GLRA3: variants seen among roughly 807,000 people sequenced by gnomAD.
GLRA3 encodes the protein glycine receptor alpha 3, also known as glycine receptor subunit alpha-3.
Under a neutral mutation model 60.4 loss-of-function variants are expected in GLRA3, and 44 were observed. That is an observed-to-expected ratio of 0.73 (90% confidence interval 0.57 to 0.94). GLRA3 has a LOEUF of 0.94. Ranked by LOEUF, GLRA3 falls within the 40% of genes least tolerant of loss-of-function variation. The pLI is 0.00. For synonymous variants in GLRA3, 223 were observed against 192.9 expected, an observed-to-expected ratio of 1.16 and a Z score of -1.29; for missense variants, 508 against 564.6, an observed-to-expected ratio of 0.90 and a Z score of 1.02.
At chr4:174,808,946 C>T (rs1211729160) in intron 1 of GLRA3, among the ~76,000 whole-genome samples, 7 of 151,954 alleles carry the variant, frequency 4.6e-5, no homozygotes, top group Middle Eastern at 3.4e-3. Flanking sequence ...TAAGAGTTAC[C>T]GTAAGAAAGA....
chr4:174,678,925 C>A (rs1170162681), intron 6 of GLRA3, among the ~76,000 whole-genome samples: 2 of 152,122 alleles, frequency 1.3e-5, no homozygotes, highest in Non-Finnish European at 2.9e-5. Context: ...CAAATACTAA[C>A]CATTCAGATA....
At chr4:174,804,270 A>G (rs1189351312) in intron 1 of GLRA3, among the ~76,000 whole-genome samples, 3 of 152,102 alleles carry the variant, frequency 2.0e-5, no homozygotes, top group Non-Finnish European at 2.9e-5. Flanking sequence ...AGTACGGAAA[A>G]TACAAGAGAC....
intron 2 of GLRA3, among the ~76,000 whole-genome samples, chr4:174,786,287 T>G (rs1420981979): frequency 1.3e-5 from 2 of 152,048 alleles, no homozygotes; most frequent in Non-Finnish European, 2.9e-5. Flanking sequence ...GGCAAGGGAT[T>G]GTATTTTTAG....
chr4:174,717,078 C>T (rs1735948610), intron 4 of GLRA3, among the ~76,000 whole-genome samples: 1 of 150,394 alleles, frequency 6.6e-6, no homozygotes, highest in African/African-American at 2.4e-5. Context: ...CCAGGTATGG[C>T]TTGTGCACCT....
At chr4:174,651,059 G>A (rs758713700) in intron 9 of GLRA3, among the ~76,000 whole-genome samples, 15 of 152,126 alleles carry the variant, frequency 9.9e-5, no homozygotes, top group Admixed American at 3.3e-4. Flanking sequence ...TTTTGTTTAC[G>A]TTGTAACAAA....
At chr4:174,791,583 G>A (rs1422477696) in intron 1 of GLRA3, among the ~76,000 whole-genome samples, 1 of 151,912 alleles carries the variant, frequency 6.6e-6, no homozygotes, top group Non-Finnish European at 1.5e-5. Flanking sequence ...TTTTTGGTGG[G>A]ACACTATCAT....
At chr4:174,741,240 G>A (rs1048386613) in intron 3 of GLRA3, among the ~76,000 whole-genome samples, 4 of 152,124 alleles carry the variant, frequency 2.6e-5, no homozygotes, top group African/African-American at 9.7e-5. Flanking sequence ...TCAGTAATTA[G>A]TAAATTCAGA....
chr4:174,643,688 A>G lies in GLRA3; in HGVS notation c.*98T>C. ...CATATGCCATTTTAATACAATGGTC[A>G]TCATTTGTATACCACACGCACACAT... On this transcript the variant is annotated 3_prime_UTR_variant, in exon 10 of 10. Coordinates refer to ENST00000274093, the MANE Select transcript of GLRA3 (RefSeq NM_006529.4). 6.9e-7 allele frequency: 1 copy of G among 1,449,552 alleles called. No individual in the cohort carries two copies. The highest frequency in any genetic ancestry group is 9.1e-7 in the Non-Finnish European group (1 of 1,096,786). The allele number at this position is 1,449,552 out of a possible 1,614,324, so 89.8% of individuals were successfully genotyped here.
intron 3 of GLRA3, among the ~76,000 whole-genome samples, chr4:174,744,692 A>C (rs1737168105): frequency 6.6e-6 from 1 of 152,240 alleles, no homozygotes; most frequent in Admixed American, 6.5e-5. Context: ...GTAAGAAATG[A>C]CTATTACACC....
chr4:174,672,423 C>T (rs1190160089), intron 7 of GLRA3, among the ~76,000 whole-genome samples: 1 of 152,136 alleles, frequency 6.6e-6, no homozygotes, highest in Admixed American at 6.6e-5. Context: ...GTGGAGTGCA[C>T]TCTTCCACCC....
At chr4:174,708,899 GT>G (rs1481728703) in intron 5 of GLRA3, among the ~76,000 whole-genome samples, 3 of 147,710 alleles carry the variant, frequency 2.0e-5, no homozygotes, top group Non-Finnish European at 4.5e-5. Context: ...TCAGTTTTGA[GT>G]TTTTTTCCTG....
In GLRA3 at chr4:174,828,925, G is replaced by A; in HGVS notation, c.-114C>T. 1.3e-6 allele frequency: 1 copy of A among 760,634 alleles called. No homozygotes were observed. The highest frequency in any genetic ancestry group is 1.7e-5 in the African/African-American group (1 of 59,058). 47.1% of individuals were successfully genotyped at this position (760,634 alleles called of 1,614,324 possible). On this transcript the variant is annotated 5_prime_UTR_variant, in exon 1 of 10. Transcript: ENST00000274093. The stretch of plus-strand genomic sequence containing the variant: ...CCGCATGGTGTTGGTGTAGACTGAT[G>A]CTTGGGAAGCTTCAGCACCTTAGAC...
intron 5 of GLRA3, among the ~76,000 whole-genome samples, chr4:174,690,558 C>T (rs562460366): frequency 4.1e-4 from 62 of 152,228 alleles, no homozygotes; most frequent in Non-Finnish European, 5.7e-4. Flanking sequence ...TTGTTACATA[C>T]GTAAACACAT....
At chr4:174,759,675 T>C (rs1737865497) in intron 3 of GLRA3, among the ~76,000 whole-genome samples, 1 of 152,152 alleles carries the variant, frequency 6.6e-6, no homozygotes, top group Non-Finnish European at 1.5e-5. Flanking sequence ...TCAAGTCTAA[T>C]ATAAACTGTA....
intron 1 of GLRA3, among the ~76,000 whole-genome samples, chr4:174,809,741 T>A (rs1740188980): frequency 6.6e-6 from 1 of 151,916 alleles, no homozygotes; most frequent in South Asian, 2.1e-4. Flanking sequence ...TCAAAATTAA[T>A]TAATTAAAAA....
chr4:174,741,745 A>C (rs1347345365), intron 3 of GLRA3, among the ~76,000 whole-genome samples: 16 of 152,106 alleles, frequency 1.1e-4, no homozygotes. Context: ...GTTTGCGGTC[A>C]ACTACGAGTT....
At chr4:174,795,389 G>A (rs1739523986) in intron 1 of GLRA3, among the ~76,000 whole-genome samples, 1 of 151,972 alleles carries the variant, frequency 6.6e-6, no homozygotes. Flanking sequence ...TACCATAAAT[G>A]TGAATTAAAC....
At chr4:174,731,313 A>G (rs756546219) in intron 3 of GLRA3, among the ~76,000 whole-genome samples, 3 of 152,154 alleles carry the variant, frequency 2.0e-5, no homozygotes, top group African/African-American at 7.2e-5. Flanking sequence ...AATTTTGGCC[A>G]TTTGTGAAAA....
At chr4:174,762,404 A>G (rs889225903) in intron 3 of GLRA3, among the ~76,000 whole-genome samples, 3 of 152,128 alleles carry the variant, frequency 2.0e-5, no homozygotes, top group African/African-American at 7.2e-5. Flanking sequence ...CCCAGATCAG[A>G]TCAAATGGAA....
Sources: gnomAD v4.1 joint callset for allele counts (sites outside exome capture counted in the v4.1 genomes callset) on GRCh38, gnomAD v4.1.1 for gene constraint, MANE v1.5 for transcripts, NCBI Gene and HGNC (gene_info 2026-07-23, HGNC 2026-07-21) for gene names.